Variants in TOX observed in about 807,000 individuals in gnomAD.
TOX encodes thymocyte selection-associated high mobility group box protein TOX.
A neutral mutation model predicts 53.7 loss-of-function variants in TOX; 11 were observed. The ratio of observed to expected loss-of-function variants is 0.20; its 90% CI spans 0.13 to 0.34. TOX has a LOEUF of 0.34. Among genes scored for constraint, TOX ranks in the 10% least tolerant of loss-of-function variants. TOX has a pLI of 1.00. For missense variants in TOX, 570 were observed against 664.6 expected (o/e 0.86, Z 1.56); for synonymous variants, 225 against 245.3 (o/e 0.92, Z 0.77).
rs897534 is a variant in TOX at position 59,049,784 on chromosome 8, A to G, written c.102+69102T>C. On this transcript the variant is annotated intron_variant, in intron 1 of 8. Coordinates refer to ENST00000361421, the MANE Select transcript of TOX (RefSeq NM_014729.3). ...TGAACTCCTGAGTTAAACCACTTCT[A>G]TGGATCACAGAGTGCTTTATAGTTT... Among the ~76,000 whole-genome samples the G allele has an allele frequency of 2.1e-3, 326 of 152,308 alleles. 2 individuals are homozygous for G. Among genetic ancestry groups the G allele is most frequent in the African/African-American group, 7.6e-3 (315 of 41,570 alleles).
In TOX at chr8:58,945,281, G is replaced by A. The variant is rs577108266; in HGVS notation, c.169-5737C>T. On this transcript the variant is annotated intron_variant, in intron 2 of 8. Transcript: ENST00000361421. Reference sequence around the variant, plus strand: ...ATACTGGCTGTGTCCTTAGAAAAGCGAACTTCTCTGGGCAATTCTTGGCAA... The same window carrying A: ...ATACTGGCTGTGTCCTTAGAAAAGCAAACTTCTCTGGGCAATTCTTGGCAA... Among the ~76,000 whole-genome samples the A allele has an allele frequency of 3.5e-3, 530 of 152,318 alleles. 3 individuals carry two copies. Among genetic ancestry groups the A allele is most frequent in the South Asian group, 7.5e-3 (36 of 4,828 alleles).
chr8:58,851,553 G>T lies in TOX; in HGVS notation c.664C>A (p.His222Asn). 2.5e-6 allele frequency: 4 copies of T among 1,613,236 alleles called. No homozygotes were observed. Among genetic ancestry groups the T allele is most frequent in the Non-Finnish European group, 3.4e-6 (4 of 1,179,660 alleles). ...SATPSPSSSV[H>N]EDEGDDTSKI... ...GAGGTATCATCGCCTTCATCTTCAT[G>T]CACTGAACTGGATGGTGAAGGAGTT... Residue 222 changes from histidine to asparagine, a missense_variant, in exon 4 of 9, where the codon CAT becomes AAT. Around this residue, in one of 3 missense-constraint regions of TOX, gnomAD observed 282 missense variants for 315.0 expected, o/e 0.90. Transcript: ENST00000361421. The surrounding 1 kb of genome is among the most constrained non-coding windows in gnomAD (Gnocchi z 4.4).
intron 1 of TOX, among the ~76,000 whole-genome samples, chr8:59,050,808 C>A (rs527965552): frequency 6.6e-6 from 1 of 152,100 alleles, no homozygotes; most frequent in Non-Finnish European, 1.5e-5. Flanking sequence ...TGTGAAATAT[C>A]TGTAAGAACA....
chr8:58,939,905 C>T (rs1370260990), intron 2 of TOX, among the ~76,000 whole-genome samples: 2 of 152,174 alleles, frequency 1.3e-5, no homozygotes, highest in African/African-American at 2.4e-5. Context: ...AACGTTTGAT[C>T]AAACATGTTT....
At chr8:58,951,975 A>G (rs2129177666) in intron 2 of TOX, among the ~76,000 whole-genome samples, 1 of 152,376 alleles carries the variant, frequency 6.6e-6, no homozygotes, top group South Asian at 2.1e-4. Flanking sequence ...ACACAGGAGA[A>G]AGAAAAAATA....
chr8:58,851,834 A>C lies in TOX; in HGVS notation c.412-29T>G, dbSNP rs1200713391. On this transcript the variant is annotated intron_variant, in intron 3 of 8. Coordinates refer to ENST00000361421, the MANE Select transcript of TOX (RefSeq NM_014729.3). This position sits in a 1 kb window ranked among gnomAD's most constrained non-coding sequence, Gnocchi z 4.4. ...CAATAAATAAATAAATAAATAAATA[A>C]ATAAATAAATAAATAGGAAAGGAGT... 1 of 1,277,352 alleles carries C rather than the reference A, an allele frequency of 7.8e-7. No individual in the cohort carries two copies. Among genetic ancestry groups the C allele is most frequent in the East Asian group, 3.1e-5 (1 of 32,672 alleles). 79.1% of individuals were successfully genotyped at this position (1,277,352 alleles called of 1,614,324 possible).
At chr8:58,854,830 T>C (rs1037536144) in intron 3 of TOX, among the ~76,000 whole-genome samples, 1 of 152,182 alleles carries the variant, frequency 6.6e-6, no homozygotes, top group Admixed American at 6.5e-5. Context: ...TCCACTTACC[T>C]TGTTTTCCTA....
chr8:58,816,443 C>A (rs950053560), intron 6 of TOX, among the ~76,000 whole-genome samples: 1 of 152,114 alleles, frequency 6.6e-6, no homozygotes, highest in Non-Finnish European at 1.5e-5. Flanking sequence ...TTCATATGAT[C>A]ATTTCCTAAT....
chr8:58,850,515 A>G (rs924837698), intron 4 of TOX, among the ~76,000 whole-genome samples: 2 of 152,172 alleles, frequency 1.3e-5, no homozygotes, highest in African/African-American at 4.8e-5. Flanking sequence ...CCTAGGGGCG[A>G]TGTAGGGTAG....
chr8:58,874,368 T>C (rs1322164332), intron 3 of TOX, among the ~76,000 whole-genome samples: 1 of 152,026 alleles, frequency 6.6e-6, no homozygotes, highest in African/African-American at 2.4e-5. Flanking sequence ...TGAGTGTGTG[T>C]GGGTAGACAG....
At chr8:59,090,940 C>G (rs1024972209) in intron 1 of TOX, among the ~76,000 whole-genome samples, 2 of 152,180 alleles carry the variant, frequency 1.3e-5, no homozygotes, top group Admixed American at 1.3e-4. Flanking sequence ...CAGTCCCACC[C>G]CAGCCTCAGT....
At chr8:59,068,797 C>T (rs1183619019) in intron 1 of TOX, among the ~76,000 whole-genome samples, 1 of 152,114 alleles carries the variant, frequency 6.6e-6, no homozygotes, top group African/African-American at 2.4e-5. Context: ...CTAAGAATTA[C>T]AACATTACCT....
In TOX at chr8:58,807,633, G is replaced by T; in HGVS notation, c.*114C>A. On this transcript the variant is annotated 3_prime_UTR_variant, in exon 9 of 9. Coordinates refer to ENST00000361421, the MANE Select transcript of TOX (RefSeq NM_014729.3). ...CCCACAAGCTCAAATGGTCCTAAGT[G>T]CTTAGCAACTTGTATTTTCTAATAA... 8.1e-7 allele frequency: 1 copy of T among 1,240,216 alleles called. No individual in the cohort carries two copies. The highest frequency in any genetic ancestry group is 1.2e-6 in the Non-Finnish European group (1 of 862,462). The allele number at this position is 1,240,216 out of a possible 1,614,324, so 76.8% of individuals were successfully genotyped here.
rs756305982 is a variant in TOX, at chr8:59,118,855, A to C, written c.102+31T>G. On this transcript the variant is annotated intron_variant, in intron 1 of 8. Transcript: ENST00000361421. The surrounding 1 kb of genome is among the most constrained non-coding windows in gnomAD (Gnocchi z 4.1). ...TCCCCTCCCAGGATCAAGCAGCAAG[A>C]ACACGGTGGAAACAAAAGCAGAGCG... 3.3e-6 allele frequency: 5 copies of C among 1,531,698 alleles called. No homozygotes were observed. Among genetic ancestry groups the C allele is most frequent in the East Asian group, 2.6e-5 (1 of 38,106 alleles). The allele number at this position is 1,531,698 out of a possible 1,614,324, so 94.9% of individuals were successfully genotyped here. A position where few individuals can be genotyped will look rare whatever the true frequency, so the allele number is the denominator to read the frequency against.
chr8:58,994,105 T>C (rs897506112), intron 1 of TOX, among the ~76,000 whole-genome samples: 1 of 152,158 alleles, frequency 6.6e-6, no homozygotes, highest in Non-Finnish European at 1.5e-5. Context: ...CAACTGGAAA[T>C]AGCCTTCTTT....
intron 1 of TOX, among the ~76,000 whole-genome samples, chr8:59,038,743 C>A (rs1351031595): frequency 6.6e-6 from 1 of 152,190 alleles, no homozygotes; most frequent in East Asian, 1.9e-4. Flanking sequence ...TGGTGCACTA[C>A]CCCCACAGCA....
At chr8:58,890,972 G>T (rs938425387) in intron 3 of TOX, among the ~76,000 whole-genome samples, 9 of 152,104 alleles carry the variant, frequency 5.9e-5, no homozygotes, top group Non-Finnish European at 1.0e-4. Context: ...GGATCTTAGA[G>T]ATCGGTATGT....
chr8:58,970,392 C>A (rs1182510992), intron 1 of TOX, among the ~76,000 whole-genome samples: 1 of 152,138 alleles, frequency 6.6e-6, no homozygotes, highest in Non-Finnish European at 1.5e-5. Flanking sequence ...CCTTCTATTT[C>A]TCCCCTTATT....
intron 3 of TOX, among the ~76,000 whole-genome samples, chr8:58,864,787 G>A (rs1304619151): frequency 6.6e-6 from 1 of 152,172 alleles, no homozygotes; most frequent in East Asian, 1.9e-4. Flanking sequence ...TGTGGGCCCA[G>A]ACGGGGATCA....
Sources: allele counts gnomAD v4.1 joint callset (sites outside exome capture counted in the v4.1 genomes callset), GRCh38; gene constraint gnomAD v4.1.1; regional missense constraint gnomAD v4.1.1; non-coding constraint Gnocchi (gnomAD v3.1); transcripts MANE v1.5; gene names NCBI Gene and HGNC (gene_info 2026-07-23, HGNC 2026-07-21).